The following ADAMTS6 variants were observed in gnomAD, a reference collection of about 807,000 sequenced individuals.
ADAMTS6 encodes A disintegrin and metalloproteinase with thrombospondin motifs 6.
In ADAMTS6, 23 loss-of-function variants were observed where a neutral mutation model predicts 144.3. The observed-to-expected ratio is 0.16, with a 90% CI of 0.11 to 0.23. The LOEUF is 0.23. ADAMTS6 is among the 10% of genes least tolerant of loss of function. The pLI is 1.00. For missense variants in ADAMTS6, 999 were observed against 1,379.6 expected, an observed-to-expected ratio of 0.72 and a Z score of 4.37; for synonymous variants, 444 against 457.5, an observed-to-expected ratio of 0.97 and a Z score of 0.38.
chr5:65,249,691 G>C (rs942733625), intron 14 of ADAMTS6, among the ~76,000 whole-genome samples: 3 of 152,082 alleles, frequency 2.0e-5, no homozygotes, highest in South Asian at 2.1e-4. Flanking sequence ...ATTCACCACT[G>C]GTAACTCGCA....
intron 7 of ADAMTS6, among the ~76,000 whole-genome samples, chr5:65,369,599 A>G (rs1011901727): frequency 1.3e-5 from 2 of 152,122 alleles, no homozygotes; most frequent in Admixed American, 1.3e-4. Flanking sequence ...AGCCACCCAG[A>G]TTTCACAGAA....
Position 65,184,787 on chromosome 5 carries a change from C to T in ADAMTS6, c.2910+3229G>A, listed in dbSNP as rs568133341. ...AAAAGGCTGCTGATGAGCCATTTTCCGCCAAGGTAATTTAACTTTTTTTTT... is the reference window on the plus strand; with the variant it reads ...AAAAGGCTGCTGATGAGCCATTTTCTGCCAAGGTAATTTAACTTTTTTTTT... On this transcript the variant is annotated intron_variant, in intron 22 of 24. Transcript: ENST00000381055. 1.4e-4 allele frequency among the ~76,000 whole-genome samples: 22 copies of T among 152,160 alleles called. No individual in the cohort carries two copies. In the East Asian group the frequency reaches 4.1e-3, roughly 28 times the overall value.
At chr5:65,408,161 A>T (rs1184137266) in intron 7 of ADAMTS6, among the ~76,000 whole-genome samples, 1 of 152,210 alleles carries the variant, frequency 6.6e-6, no homozygotes, top group Non-Finnish European at 1.5e-5. Context: ...TTAACCTTAA[A>T]TGTAAATGGG....
At chr5:65,435,725 G>A (rs1208812910) in intron 7 of ADAMTS6, among the ~76,000 whole-genome samples, 1 of 151,454 alleles carries the variant, frequency 6.6e-6, no homozygotes, top group Non-Finnish European at 1.5e-5. Flanking sequence ...TCCTGGGTTC[G>A]AGCGATTCTT....
intron 7 of ADAMTS6, among the ~76,000 whole-genome samples, chr5:65,390,205 C>G (rs991513181): frequency 1.3e-5 from 2 of 152,102 alleles, no homozygotes; most frequent in Non-Finnish European, 2.9e-5. Context: ...AGACCAGGTT[C>G]ACTAAAGTGA....
At chr5:65,288,965 C>T (rs1319920628) in intron 11 of ADAMTS6, among the ~76,000 whole-genome samples, 1 of 152,146 alleles carries the variant, frequency 6.6e-6, no homozygotes, top group Admixed American at 6.6e-5. Context: ...TTTGTGTAAA[C>T]CGACACAAGT....
chr5:65,282,339 T>C (rs570754420), intron 11 of ADAMTS6, among the ~76,000 whole-genome samples: 13 of 152,238 alleles, frequency 8.5e-5, no homozygotes, highest in African/African-American at 2.2e-4. Flanking sequence ...CTGGAATCAA[T>C]AGAAGAGAAT....
At chr5:65,152,023 G>A in intron 24 of ADAMTS6, 78 bp from the exon 25 acceptor site, 2 of 1,267,540 alleles carry the variant, frequency 1.6e-6, no homozygotes, top group South Asian at 2.6e-5. Flanking sequence ...GGGCCTGCAT[G>A]TTCAGCAAGG....
chr5:65,397,621 A>G (rs1561499600), intron 7 of ADAMTS6, among the ~76,000 whole-genome samples: 1 of 151,980 alleles, frequency 6.6e-6, no homozygotes, highest in Non-Finnish European at 1.5e-5. Context: ...TCACACCTGT[A>G]ATCCCAGGAT....
At chr5:65,324,115 T>C (rs1745931352) in intron 9 of ADAMTS6, among the ~76,000 whole-genome samples, 1 of 152,330 alleles carries the variant, frequency 6.6e-6, no homozygotes. Flanking sequence ...AGAAGCTCTT[T>C]AGTTTAATTA....
At chr5:65,362,625 G>A (rs780732164) in intron 7 of ADAMTS6, among the ~76,000 whole-genome samples, 1 of 152,186 alleles carries the variant, frequency 6.6e-6, no homozygotes, top group Non-Finnish European at 1.5e-5. Context: ...AGTAGAGCTT[G>A]AAGAGTACTC....
intron 9 of ADAMTS6, among the ~76,000 whole-genome samples, chr5:65,319,423 T>G (rs1285078937): frequency 6.7e-6 from 1 of 149,976 alleles, no homozygotes; most frequent in Non-Finnish European, 1.5e-5. Flanking sequence ...CTCGGGCCTG[T>G]AATCCCAGCA....
chr5:65,167,281 A>G (rs1579939191), intron 24 of ADAMTS6, among the ~76,000 whole-genome samples: 2 of 152,308 alleles, frequency 1.3e-5, no homozygotes, highest in African/African-American at 4.8e-5. Context: ...TAGAAAATCT[A>G]GAAGAAATGG....
intron 15 of ADAMTS6, among the ~76,000 whole-genome samples, chr5:65,241,422 T>C (rs1759174737): frequency 6.6e-6 from 1 of 151,740 alleles, no homozygotes; most frequent in African/African-American, 2.4e-5. Flanking sequence ...GTAGAGACGG[T>C]GTTTTGCCAT....
intron 15 of ADAMTS6, among the ~76,000 whole-genome samples, chr5:65,239,049 T>C (rs1758927526): frequency 1.3e-5 from 2 of 151,832 alleles, no homozygotes. Flanking sequence ...TTCTCACTCA[T>C]AGGTGGGAAT....
chr5:65,286,092 C>T (rs772152201), intron 11 of ADAMTS6, among the ~76,000 whole-genome samples: 6 of 152,130 alleles, frequency 3.9e-5, no homozygotes, highest in Non-Finnish European at 7.3e-5. Flanking sequence ...AATGTTATCA[C>T]GGATGACAGA....
intron 7 of ADAMTS6, among the ~76,000 whole-genome samples, chr5:65,379,400 C>T (rs1751838881): frequency 6.6e-6 from 1 of 152,154 alleles, no homozygotes; most frequent in Admixed American, 6.5e-5. Context: ...TAAACACATA[C>T]TGCCAGAATT....
intron 20 of ADAMTS6, among the ~76,000 whole-genome samples, chr5:65,200,615 C>T (rs1465790729): frequency 1.3e-5 from 2 of 152,086 alleles, no homozygotes; most frequent in African/African-American, 4.8e-5. Context: ...GCTTAGTGTC[C>T]AGATCCCCTG....
chr5:65,368,169 A>G (rs1750483364), intron 7 of ADAMTS6, among the ~76,000 whole-genome samples: 2 of 152,116 alleles, frequency 1.3e-5, no homozygotes, highest in Admixed American at 1.3e-4. Context: ...TTCCAATTTC[A>G]CATTTCCCTG....
Sources: allele counts gnomAD v4.1 joint callset (sites outside exome capture counted in the v4.1 genomes callset), GRCh38; gene constraint gnomAD v4.1.1; transcripts MANE v1.5; gene names NCBI Gene and HGNC (gene_info 2026-07-23, HGNC 2026-07-21).